PLEKHH2: variants seen among roughly 807,000 people sequenced by gnomAD.
PLEKHH2 encodes the protein pleckstrin homology domain-containing family H member 2.
A neutral mutation model predicts 187.9 loss-of-function variants in PLEKHH2; 129 were observed. The ratio of observed to expected loss-of-function variants is 0.69; its 90% CI spans 0.59 to 0.79. The LOEUF is 0.79. Ranked by LOEUF, PLEKHH2 falls within the 30% of genes least tolerant of loss-of-function variation. The pLI, the probability that PLEKHH2 is intolerant of heterozygous loss-of-function variation, is 0.00. For missense variants in PLEKHH2, 2,076 were observed against 1,751.2 expected (o/e 1.19, Z -3.31); for synonymous variants, 686 against 605.6 (o/e 1.13, Z -1.95).
At chr2:43,693,220 C>T (rs182925835) in intron 4 of PLEKHH2, among the ~76,000 whole-genome samples, 1 of 152,298 alleles carries the variant, frequency 6.6e-6, no homozygotes, top group Non-Finnish European at 1.5e-5. Flanking sequence ...CCACCATGCC[C>T]AGCCAGATGT....
At chr2:43,723,879 G>A (rs114770731) in intron 16 of PLEKHH2, among the ~76,000 whole-genome samples, 1 of 152,292 alleles carries the variant, frequency 6.6e-6, no homozygotes, top group East Asian at 1.9e-4. Flanking sequence ...GAATAAGGAG[G>A]AGATGGGTTA....
intron 19 of PLEKHH2, among the ~76,000 whole-genome samples, chr2:43,736,096 A>C (rs1248804135): frequency 6.6e-6 from 1 of 152,192 alleles, no homozygotes; most frequent in African/African-American, 2.4e-5. Flanking sequence ...TAGGGAACTA[A>C]CCGATGTTAT....
chr2:43,655,190 AAAT>A (rs999038576), intron 2 of PLEKHH2, among the ~76,000 whole-genome samples: 1 of 151,518 alleles, frequency 6.6e-6, no homozygotes, highest in Non-Finnish European at 1.5e-5. Flanking sequence ...AATAAAAATA[AAAT>A]AATAATAATA....
At chr2:43,668,013 A>G (rs922566736) in intron 2 of PLEKHH2, among the ~76,000 whole-genome samples, 1 of 152,174 alleles carries the variant, frequency 6.6e-6, no homozygotes, top group Admixed American at 6.5e-5. Context: ...TAACAACACT[A>G]CTATTAGCAT....
intron 28 of PLEKHH2, among the ~76,000 whole-genome samples, chr2:43,762,677 AG>A (rs1232679602): frequency 3.9e-5 from 6 of 152,178 alleles, no homozygotes; most frequent in Non-Finnish European, 8.8e-5. Flanking sequence ...AAAAGTGTTA[AG>A]AAGATTGTTT....
chr2:43,694,601 A>T (rs563539851), intron 5 of PLEKHH2, 87 bp downstream of exon 5: 2 of 1,361,878 alleles, frequency 1.5e-6, no homozygotes, highest in African/African-American at 3.0e-5. Context: ...ACTCTGAGTA[A>T]AACAAAGAAT....
Position 43,767,954 on chromosome 2 carries a change from C to T in PLEKHH2, c.*2356C>T, listed in dbSNP as rs1290469734. ...ATATTTGTCTCCTATCATTTTCTTC[C>T]CTTTCAGTCATAATAAATGATTTAC... is the stretch of plus-strand genomic sequence containing the variant. On this transcript the variant is annotated 3_prime_UTR_variant, in exon 30 of 30. Coordinates refer to ENST00000282406, the MANE Select transcript of PLEKHH2 (RefSeq NM_172069.4). The T allele has an allele frequency of 3.3e-5, 5 of 152,504 alleles. No individual in the cohort carries two copies. The highest frequency in any genetic ancestry group is 3.3e-4 in the Admixed American group (5 of 15,256). The allele number at this position is 152,504 out of a possible 1,614,324, so 9.4% of individuals were successfully genotyped here.
At chr2:43,673,813 C>T (rs1216300770) in intron 2 of PLEKHH2, among the ~76,000 whole-genome samples, 1 of 152,132 alleles carries the variant, frequency 6.6e-6, no homozygotes, top group African/African-American at 2.4e-5. Flanking sequence ...CAATTTAGGT[C>T]TTGCCTTTAA....
At chr2:43,654,932 C>G (rs550609300) in intron 2 of PLEKHH2, among the ~76,000 whole-genome samples, 1 of 152,078 alleles carries the variant, frequency 6.6e-6, no homozygotes, top group East Asian at 1.9e-4. Context: ...GAGGCTGAGG[C>G]GGGGGTATTG....
chr2:43,727,015 G>T (rs1021611654), intron 17 of PLEKHH2, among the ~76,000 whole-genome samples: 1 of 152,042 alleles, frequency 6.6e-6, no homozygotes, highest in Admixed American at 6.6e-5. Flanking sequence ...ATCTCATACA[G>T]ATAGCAAAAT....
At chr2:43,718,344 C>T (rs1670312546) in intron 15 of PLEKHH2, among the ~76,000 whole-genome samples, 1 of 152,072 alleles carries the variant, frequency 6.6e-6, no homozygotes, top group African/African-American at 2.4e-5. Flanking sequence ...TTGAGACCAT[C>T]CTGGCCAACA....
At chr2:43,652,640 C>T in intron 2 of PLEKHH2, among the ~76,000 whole-genome samples, 1 of 152,166 alleles carries the variant, frequency 6.6e-6, no homozygotes, top group East Asian at 1.9e-4. Flanking sequence ...AGCCAGAACA[C>T]CCAAGGTTAG....
At chr2:43,672,129 C>G (rs905281009) in intron 2 of PLEKHH2, among the ~76,000 whole-genome samples, 4 of 152,158 alleles carry the variant, frequency 2.6e-5, no homozygotes, top group African/African-American at 9.6e-5. Flanking sequence ...CTTATTTCTT[C>G]TTAAATGAGC....
rs374370969 is a variant in PLEKHH2, at chr2:43,749,709, G to A, written c.3653+3746G>A. Reference sequence around the variant, plus strand: ...GAAAGTAATGTTTCTAAACATGGCCGTGCTTTGCCGGTGTTTATAAGTAGC... The same window carrying A: ...GAAAGTAATGTTTCTAAACATGGCCATGCTTTGCCGGTGTTTATAAGTAGC... On this transcript the variant is annotated intron_variant, in intron 24 of 29. Transcript: ENST00000282406. Among the ~76,000 whole-genome samples the A allele has an allele frequency of 1.2e-3, 180 of 152,304 alleles. 2 individuals carry two copies. The highest frequency in any genetic ancestry group is 3.9e-3 in the African/African-American group (164 of 41,572).
chr2:43,700,397 G>C lies in PLEKHH2; in HGVS notation c.1439G>C (p.Arg480Pro). 4 of 1,613,912 alleles carry C rather than the reference G, an allele frequency of 2.5e-6. No homozygotes were observed. The highest frequency in any genetic ancestry group is 2.5e-6 in the Non-Finnish European group (3 of 1,179,966). ...GTNRNAISMI[R>P]PLRPQETDLD... is the part of the protein sequence containing the mutation. The stretch of plus-strand genomic sequence containing the variant: ...AATAGAAACGCTATAAGCATGATAC[G>C]ACCACTGAGACCTCAGGAAACTGAT... The change falls in exon 8 of 30, where the codon CGA (arginine) becomes CCA (proline). Residue 480 changes from arginine (R) to proline (P), a missense_variant. Physicochemically the swap from Arg to Pro is moderately radical, Grantham distance 103. Transcript: ENST00000282406.
At chr2:43,725,156 G>C (rs1432565603) in intron 16 of PLEKHH2, among the ~76,000 whole-genome samples, 1 of 152,136 alleles carries the variant, frequency 6.6e-6, no homozygotes, top group Non-Finnish European at 1.5e-5. Flanking sequence ...TGTGCTATCT[G>C]TACAGAGCAG....
At chr2:43,753,896 G>A in intron 25 of PLEKHH2, 136 bp downstream of exon 25, 2 of 694,980 alleles carry the variant, frequency 2.9e-6, no homozygotes, top group East Asian at 3.3e-5. Flanking sequence ...AAAATTACAG[G>A]CACTATAATT....
intron 15 of PLEKHH2, among the ~76,000 whole-genome samples, chr2:43,718,286 T>C (rs1670308692): frequency 6.6e-6 from 1 of 152,134 alleles, no homozygotes; most frequent in African/African-American, 2.4e-5. Flanking sequence ...ACAGTGGTAA[T>C]CCCAGCACTT....
chr2:43,648,082 C>T (rs1275903174), intron 2 of PLEKHH2, among the ~76,000 whole-genome samples: 1 of 152,114 alleles, frequency 6.6e-6, no homozygotes, highest in Non-Finnish European at 1.5e-5. Context: ...AGCAGAGCTG[C>T]CGTTAGACCG....
Sources: allele counts gnomAD v4.1 joint callset (sites outside exome capture counted in the v4.1 genomes callset), GRCh38; gene constraint gnomAD v4.1.1; transcripts MANE v1.5; gene names NCBI Gene and HGNC (gene_info 2026-07-23, HGNC 2026-07-21).